Variants in HIP1 observed in about 807,000 individuals in gnomAD.
HIP1 encodes huntingtin interacting protein 1.
In HIP1, 65 loss-of-function variants were observed where a neutral mutation model predicts 147.6. The ratio of observed to expected loss-of-function variants is 0.44; its 90% CI spans 0.36 to 0.54. HIP1 has a LOEUF of 0.54. Among genes scored for constraint, HIP1 ranks in the 20% least tolerant of loss-of-function variants. The pLI, the probability that HIP1 is intolerant of heterozygous loss-of-function variation, is 0.00. For synonymous variants in HIP1, 479 were observed against 504.0 expected (o/e 0.95, Z 0.67); for missense variants, 1,061 against 1,299.6 (o/e 0.82, Z 2.82).
intron 1 of HIP1, among the ~76,000 whole-genome samples, chr7:75,661,104 T>G (rs555972538): frequency 2.6e-4 from 39 of 151,260 alleles, no homozygotes; most frequent in African/African-American, 9.0e-4. Context: ...CATGGCAAAA[T>G]CCCGTCTCTA....
At chr7:75,651,966 G>A (rs1165559839) in intron 1 of HIP1, among the ~76,000 whole-genome samples, 74 of 136,082 alleles carry the variant, frequency 5.4e-4, no homozygotes, top group Middle Eastern at 9.7e-3. Context: ...CTGAGATTGC[G>A]CCACTGCACT....
At chr7:75,626,297 A>C (rs1319576396) in intron 1 of HIP1, 2 of 152,194 alleles carry the variant, frequency 1.3e-5, no homozygotes, top group African/African-American at 4.8e-5. Context: ...TAAAACCTCA[A>C]AGCCTAAGTC....
At chr7:75,583,436 T>C (rs1796131408) in intron 5 of HIP1, among the ~76,000 whole-genome samples, 1 of 152,150 alleles carries the variant, frequency 6.6e-6, no homozygotes, top group Non-Finnish European at 1.5e-5. Context: ...TACCATGCAC[T>C]GGGTGGCTTA....
intron 22 of HIP1, among the ~76,000 whole-genome samples, chr7:75,551,588 G>A (rs1184685845): frequency 4.0e-5 from 6 of 151,850 alleles, no homozygotes; most frequent in Non-Finnish European, 8.8e-5. Context: ...GTGGTTCACT[G>A]CAGGTGAACC....
chr7:75,702,258 G>A (rs1365299752), intron 1 of HIP1, among the ~76,000 whole-genome samples: 7 of 151,976 alleles, frequency 4.6e-5, no homozygotes, highest in Non-Finnish European at 8.8e-5. Context: ...TTACAGACAC[G>A]CACCACCACA....
intron 1 of HIP1, among the ~76,000 whole-genome samples, chr7:75,657,595 A>G (rs781897776): frequency 1.3e-5 from 2 of 151,952 alleles, no homozygotes; most frequent in Non-Finnish European, 2.9e-5. Flanking sequence ...AGCCACATGG[A>G]TGCAGCTGGA....
chr7:75,660,190 C>T (rs1053539123), intron 1 of HIP1, among the ~76,000 whole-genome samples: 1 of 147,288 alleles, frequency 6.8e-6, no homozygotes, highest in Non-Finnish European at 1.5e-5. Context: ...AGTCTACTGC[C>T]GAAGTATTTA....
At chr7:75,606,699 C>A (rs779472632) in intron 1 of HIP1, among the ~76,000 whole-genome samples, 1 of 152,012 alleles carries the variant, frequency 6.6e-6, no homozygotes, top group African/African-American at 2.4e-5. Flanking sequence ...TGAGGCCAGG[C>A]GGCTCTTGGG....
At chr7:75,541,764 T>C (rs1216485282) in intron 29 of HIP1, among the ~76,000 whole-genome samples, 155 bp downstream of exon 29, 2 of 152,028 alleles carry the variant, frequency 1.3e-5, no homozygotes, top group Non-Finnish European at 2.9e-5. Flanking sequence ...TCACCTTCTC[T>C]ACCTCCACTG....
intron 1 of HIP1, among the ~76,000 whole-genome samples, chr7:75,628,941 A>G (rs1798128025): frequency 6.6e-6 from 1 of 152,214 alleles, no homozygotes. Context: ...GGTTGTAACC[A>G]TTAGAAACAT....
intron 1 of HIP1, among the ~76,000 whole-genome samples, chr7:75,687,787 A>G (rs1001976703): frequency 8.5e-5 from 13 of 152,222 alleles, no homozygotes; most frequent in Non-Finnish European, 1.8e-4. Flanking sequence ...AGCTGGGCCC[A>G]ACCTTCCTTC....
At chr7:75,683,147 A>G (rs1246050474) in intron 1 of HIP1, among the ~76,000 whole-genome samples, 1 of 151,696 alleles carries the variant, frequency 6.6e-6, no homozygotes, top group Non-Finnish European at 1.5e-5. Flanking sequence ...ATGCCCAGCT[A>G]ATTTTTGTAT....
At chr7:75,599,833 G>T (rs1390650658) in intron 1 of HIP1, among the ~76,000 whole-genome samples, 1 of 140,838 alleles carries the variant, frequency 7.1e-6, no homozygotes, top group Non-Finnish European at 1.5e-5. Context: ...TTTTAAAATC[G>T]TTAACTTTTT....
chr7:75,682,018 CTTTTTTTTTTTTTT>C (rs71098063), intron 1 of HIP1, among the ~76,000 whole-genome samples: 1,056 of 84,236 alleles, frequency 0.013, 21 homozygotes, highest in African/African-American at 0.051. Context: ...GCAACAACCT[CTTTTTTTTTTTTTT>C]TTTTTTTTTT....
intron 1 of HIP1, among the ~76,000 whole-genome samples, chr7:75,677,229 A>G (rs1295071939): frequency 6.6e-6 from 1 of 151,836 alleles, no homozygotes; most frequent in Non-Finnish European, 1.5e-5. Flanking sequence ...TAAAAATAAA[A>G]TAATAAAGTA....
chr7:75,704,392 C>A (rs879965534), intron 1 of HIP1, among the ~76,000 whole-genome samples: 6 of 151,692 alleles, frequency 4.0e-5, no homozygotes, highest in Non-Finnish European at 7.4e-5. Flanking sequence ...TTACAGGCGC[C>A]CAGCACCACG....
At chr7:75,735,258 T>C (rs1554523514) in intron 1 of HIP1, among the ~76,000 whole-genome samples, 1 of 152,136 alleles carries the variant, frequency 6.6e-6, no homozygotes, top group African/African-American at 2.4e-5. Context: ...CAGCATCTGC[T>C]CAGTACTCAG....
Position 75,563,203 on chromosome 7 carries a change from G to T in HIP1, c.864C>A (p.Ile288=). 6.2e-7 allele frequency: 1 copy of T among 1,614,218 alleles called. No individual in the cohort carries two copies. Among genetic ancestry groups the T allele is most frequent in the Non-Finnish European group, 8.5e-7 (1 of 1,180,030 alleles). The change falls in exon 10 of 31, where the codon ATC becomes ATA. Residue 288 remains isoleucine, a synonymous_variant. Transcript: ENST00000336926. The stretch of plus-strand genomic sequence containing the variant: ...GCATGCTTACCTCAGGCAGCTGGGG[G>T]ATCTGAATGAGCCGCTTGAAGTACT... ...NLQYFKRLIQ[I]PQLPENPPNF...
chr7:75,567,755 C>T (rs1341216474), intron 9 of HIP1, among the ~76,000 whole-genome samples: 1 of 146,402 alleles, frequency 6.8e-6, no homozygotes, highest in Admixed American at 6.7e-5. Flanking sequence ...GAGCCGAGAT[C>T]GTGCCATTGC....
Sources: gnomAD v4.1 joint callset for allele counts (sites outside exome capture counted in the v4.1 genomes callset) on GRCh38, gnomAD v4.1.1 for gene constraint, MANE v1.5 for transcripts, NCBI Gene and HGNC (gene_info 2026-07-23, HGNC 2026-07-21) for gene names.